Variants in NEGR1 observed in about 807,000 individuals in gnomAD.
NEGR1 encodes IgLON family member 4.
Under a neutral mutation model 40.9 loss-of-function variants are expected in NEGR1, and 10 were observed. The ratio of observed to expected loss-of-function variants is 0.24; its 90% confidence interval spans 0.15 to 0.42. The LOEUF (loss-of-function observed/expected upper bound fraction) is 0.42. Among genes scored for constraint, NEGR1 ranks in the 10% least tolerant of loss-of-function variants. NEGR1 has a pLI of 1.00. For missense variants in NEGR1, 352 were observed against 438.9 expected (o/e 0.80, Z 1.77); for synonymous variants, 185 against 166.8 (o/e 1.11, Z -0.84).
intron 2 of NEGR1, among the ~76,000 whole-genome samples, chr1:71,917,964 T>A (rs1661637785): frequency 6.6e-6 from 1 of 150,426 alleles, no homozygotes; most frequent in Non-Finnish European, 1.5e-5. Flanking sequence ...AGGCCTGTAA[T>A]CCCAGCACTT....
At chr1:71,909,539 AC>A (rs1252407845) in intron 2 of NEGR1, among the ~76,000 whole-genome samples, 6 of 152,204 alleles carry the variant, frequency 3.9e-5, no homozygotes, top group Non-Finnish European at 7.3e-5. Context: ...CAGGCTGATA[AC>A]AGTGGCTGGC....
chr1:71,673,690 A>G (rs1444963051), intron 4 of NEGR1, among the ~76,000 whole-genome samples: 1 of 152,184 alleles, frequency 6.6e-6, no homozygotes, highest in Non-Finnish European at 1.5e-5. Context: ...GTTTTAGGAC[A>G]CTAATGGGCA....
At chr1:72,102,684 A>G (rs998377388) in intron 1 of NEGR1, among the ~76,000 whole-genome samples, 1 of 152,146 alleles carries the variant, frequency 6.6e-6, no homozygotes, top group African/African-American at 2.4e-5. Flanking sequence ...ACAAACAAAT[A>G]AAATATTATG....
intron 6 of NEGR1, among the ~76,000 whole-genome samples, chr1:71,465,960 A>G (rs1288136072): frequency 6.6e-6 from 1 of 152,084 alleles, no homozygotes; most frequent in Non-Finnish European, 1.5e-5. Flanking sequence ...TACCAAATTA[A>G]TGTTAGAGAT....
At chr1:71,641,179 G>A (rs1172529401) in intron 4 of NEGR1, among the ~76,000 whole-genome samples, 1 of 152,104 alleles carries the variant, frequency 6.6e-6, no homozygotes, top group Non-Finnish European at 1.5e-5. Context: ...AGCAAAGACA[G>A]CAGCTGTCAC....
intron 6 of NEGR1, among the ~76,000 whole-genome samples, chr1:71,591,981 T>C (rs1159750889): frequency 1.3e-5 from 2 of 152,116 alleles, no homozygotes; most frequent in Non-Finnish European, 2.9e-5. Flanking sequence ...CAAGTTACCA[T>C]AAAATATTAA....
At chr1:72,041,366 T>C (rs989055580) in intron 1 of NEGR1, among the ~76,000 whole-genome samples, 1 of 151,542 alleles carries the variant, frequency 6.6e-6, no homozygotes, top group Admixed American at 6.6e-5. Flanking sequence ...TTATTATAAA[T>C]ATTCAGGATT....
intron 3 of NEGR1, among the ~76,000 whole-genome samples, chr1:71,760,497 A>G (rs1655902712): frequency 6.6e-6 from 1 of 152,224 alleles, no homozygotes; most frequent in Admixed American, 6.5e-5. Context: ...ATTGGTGTGC[A>G]GTCTTATGGT....
At chr1:71,552,682 T>C (rs7535916) in intron 6 of NEGR1, among the ~76,000 whole-genome samples, 4,072 of 150,904 alleles carry the variant, frequency 0.027, 156 homozygotes, top group African/African-American at 0.075. Context: ...TGACATTATA[T>C]ATTCCACACT....
chr1:71,781,291 T>C (rs1376136868), intron 2 of NEGR1, among the ~76,000 whole-genome samples: 2 of 152,154 alleles, frequency 1.3e-5, no homozygotes, highest in Non-Finnish European at 2.9e-5. Context: ...CAGATGATTT[T>C]AGAAAGAATA....
chr1:71,723,808 G>A lies in NEGR1; in HGVS notation c.536-25669C>T, dbSNP rs866378701. On this transcript the variant is annotated intron_variant, in intron 3 of 6. Coordinates refer to ENST00000357731, the MANE Select transcript of NEGR1 (RefSeq NM_173808.3). ...GTTGGGCAAAAGTACAGGTGTCCTC[G>A]GATTTGTAATTGGTGTGTAAAGTGG... is the stretch of plus-strand genomic sequence containing the variant. 3.9e-5 allele frequency among the ~76,000 whole-genome samples: 6 copies of A among 152,142 alleles called. No individual in the cohort carries two copies. The South Asian group carries it at 6.2e-4, about 16-fold the overall frequency.
At chr1:71,979,959 T>C (rs554274072) in intron 1 of NEGR1, among the ~76,000 whole-genome samples, 2 of 152,260 alleles carry the variant, frequency 1.3e-5, no homozygotes, top group South Asian at 4.1e-4. Flanking sequence ...ATTATAGTGA[T>C]AGTGAAACAA....
chr1:72,236,104 T>TA (rs1462841142), intron 1 of NEGR1, among the ~76,000 whole-genome samples: 15 of 152,092 alleles, frequency 9.9e-5, no homozygotes, highest in African/African-American at 3.6e-4. Context: ...TATGCAGCCA[T>TA]AAAAAGGATG....
chr1:72,191,763 G>A (rs948341602), intron 1 of NEGR1, among the ~76,000 whole-genome samples: 2 of 151,774 alleles, frequency 1.3e-5, no homozygotes, highest in African/African-American at 2.4e-5. Flanking sequence ...CATCACAGGA[G>A]AAGGTAACCT....
chr1:71,719,005 G>A (rs994266188), intron 3 of NEGR1, among the ~76,000 whole-genome samples: 2 of 152,212 alleles, frequency 1.3e-5, no homozygotes, highest in African/African-American at 4.8e-5. Context: ...TTTGAAGCTG[G>A]AGCTGAGGAA....
chr1:72,082,714 C>CA (rs56286693), intron 1 of NEGR1, among the ~76,000 whole-genome samples: 3,802 of 139,210 alleles, frequency 0.027, 117 homozygotes, highest in African/African-American at 0.079. Flanking sequence ...AAACAAAAAA[C>CA]AAAAAAAAAA....
At chr1:71,997,732 C>A (rs1042688229) in intron 1 of NEGR1, among the ~76,000 whole-genome samples, 1 of 151,772 alleles carries the variant, frequency 6.6e-6, no homozygotes, top group Non-Finnish European at 1.5e-5. Flanking sequence ...ATTTTAATAA[C>A]CTGTTTATGT....
intron 1 of NEGR1, among the ~76,000 whole-genome samples, chr1:72,240,259 C>A (rs909387614): frequency 6.6e-6 from 1 of 151,794 alleles, no homozygotes; most frequent in Non-Finnish European, 1.5e-5. Context: ...TAACAGCAGA[C>A]CATCCACATC....
intron 1 of NEGR1, among the ~76,000 whole-genome samples, chr1:72,259,664 A>G (rs1655392368): frequency 6.6e-6 from 1 of 152,068 alleles, no homozygotes; most frequent in African/African-American, 2.4e-5. Context: ...GCTATTATGG[A>G]AAGGGAGCTT....
Sources: gnomAD v4.1 joint callset for allele counts (sites outside exome capture counted in the v4.1 genomes callset) on GRCh38, gnomAD v4.1.1 for gene constraint, MANE v1.5 for transcripts, NCBI Gene and HGNC (gene_info 2026-07-23, HGNC 2026-07-21) for gene names.